CYB5D2: variants seen among roughly 807,000 people sequenced by gnomAD.
CYB5D2 encodes cytochrome b5 domain containing 2, also known as neuferricin.
Under a neutral mutation model 22.8 loss-of-function variants are expected in CYB5D2, and 23 were observed. The ratio of observed to expected loss-of-function variants is 1.01; its 90% CI spans 0.73 to 1.43. CYB5D2 has a LOEUF of 1.43. Ranked by LOEUF, CYB5D2 falls within the 40% of genes most tolerant of loss-of-function variation. The pLI is 0.00. For synonymous variants in CYB5D2, 170 were observed against 152.2 expected, an observed-to-expected ratio of 1.12 and a Z score of -0.86; for missense variants, 373 against 357.2, an observed-to-expected ratio of 1.04 and a Z score of -0.36.
intron 1 of CYB5D2, among the ~76,000 whole-genome samples, chr17:4,146,097 T>G (rs547461362): frequency 6.6e-6 from 1 of 152,092 alleles, no homozygotes; most frequent in East Asian, 1.9e-4. Context: ...ACCTTTTTAT[T>G]TATTTATTTT....
rs762512093 is a variant in CYB5D2, at chr17:4,143,733, G to A, written c.-23G>A. ...AGATAGAGGCGGCAACCTCGGAAGT[G>A]CGGAGCGGGTGGGCCTATATAGATG... On this transcript the variant is annotated 5_prime_UTR_variant, in exon 1 of 4. Coordinates refer to ENST00000301391, the MANE Select transcript of CYB5D2 (RefSeq NM_144611.4). The A allele has an allele frequency of 3.8e-6, 6 of 1,589,848 alleles. No homozygotes were observed. In the East Asian group the frequency reaches 9.0e-5, roughly 24 times the overall value.
At chr17:4,149,757 C>G (rs914455235) in intron 1 of CYB5D2, 134 bp from the exon 2 acceptor site, 1 of 1,053,434 alleles carries the variant, frequency 9.5e-7, no homozygotes, top group Non-Finnish European at 1.3e-6. Context: ...TGAAATCATG[C>G]CACTGCACTC....
chr17:4,144,746 TCA>T (rs979813175), intron 1 of CYB5D2, among the ~76,000 whole-genome samples: 6 of 152,166 alleles, frequency 3.9e-5, no homozygotes, highest in Non-Finnish European at 4.4e-5. Flanking sequence ...CCTGAAACCC[TCA>T]CACCTGAATA....
chr17:4,148,567 G>A (rs948254702), intron 1 of CYB5D2, among the ~76,000 whole-genome samples: 12 of 151,256 alleles, frequency 7.9e-5, no homozygotes, highest in Admixed American at 2.0e-4. Context: ...GGCTGGATGC[G>A]GTGGCTCACA....
chr17:4,148,743 G>C (rs1215719991), intron 1 of CYB5D2, among the ~76,000 whole-genome samples: 1 of 152,180 alleles, frequency 6.6e-6, no homozygotes, highest in African/African-American at 2.4e-5. Context: ...CAAATCGCTT[G>C]AACCCGTGAG....
chr17:4,147,801 C>T (rs868653217), intron 1 of CYB5D2, among the ~76,000 whole-genome samples: 38 of 152,202 alleles, frequency 2.5e-4, no homozygotes, highest in African/African-American at 7.2e-4. Context: ...TGCGGTGAGC[C>T]GAGATTGTGC....
chr17:4,156,805 C>G, intron 3 of CYB5D2, 61 bp from the exon 4 acceptor site: 2 of 1,567,440 alleles, frequency 1.3e-6, no homozygotes, highest in South Asian at 1.1e-5. Context: ...TTCCTGCTCT[C>G]CCCTTCCCAG....
At chr17:4,144,370 C>T (rs140454744) in intron 1 of CYB5D2, among the ~76,000 whole-genome samples, 2 of 152,262 alleles carry the variant, frequency 1.3e-5, no homozygotes, top group African/African-American at 2.4e-5. Context: ...CCTACCCTCA[C>T]AGTTTCCTTA....
At chr17:4,152,562 G>C (rs930792275) in intron 2 of CYB5D2, among the ~76,000 whole-genome samples, 2 of 152,114 alleles carry the variant, frequency 1.3e-5, no homozygotes, top group Admixed American at 6.5e-5. Flanking sequence ...CTCTTCCTCT[G>C]TTGCCTCTGC....
At chr17:4,153,811 G>C (rs1479555128) in intron 2 of CYB5D2, among the ~76,000 whole-genome samples, 1 of 152,228 alleles carries the variant, frequency 6.6e-6, no homozygotes, top group Non-Finnish European at 1.5e-5. Context: ...CCTAATGCAG[G>C]TCACAGGCTA....
chr17:4,154,928 A>G (rs2059098510), intron 3 of CYB5D2, 68 bp downstream of exon 3: 1 of 1,472,154 alleles, frequency 6.8e-7, no homozygotes, highest in Non-Finnish European at 9.1e-7. Context: ...TCCTGCCTGC[A>G]GTATTCAGTG....
chr17:4,157,003 G>T lies in CYB5D2; in HGVS notation c.716G>T (p.Arg239Leu). 1 of 1,612,848 alleles carries T rather than the reference G, an allele frequency of 6.2e-7. No homozygotes were observed. Reference protein sequence around the residue: ...QMPDNPPHRNRGDLDHPNLAE... With the variant: ...QMPDNPPHRNLGDLDHPNLAE... ...CCGGACAACCCTCCACACAGAAATCGTGGGGACCTGGACCACCCAAACTTG... is the reference window on the plus strand; with the variant it reads ...CCGGACAACCCTCCACACAGAAATCTTGGGGACCTGGACCACCCAAACTTG... The change falls in exon 4 of 4, where the codon CGT becomes CTT. Residue 239 changes from arginine (R) to leucine (L), a missense_variant. Transcript: ENST00000301391. The surrounding 1 kb of genome is among the most constrained non-coding windows in gnomAD (Gnocchi z 4.4).
In CYB5D2 at chr17:4,150,135, C is replaced by T. The variant is rs1030375025; in HGVS notation, c.391+104C>T. 8 of 1,418,810 alleles carry T rather than the reference C, an allele frequency of 5.6e-6. No individual in the cohort carries two copies. The African/African-American group carries it at 8.6e-5, about 15-fold the overall frequency. 87.9% of individuals were successfully genotyped at this position (1,418,810 alleles called of 1,614,324 possible). On this transcript the variant is annotated intron_variant, in intron 2 of 3. Coordinates refer to ENST00000301391, the MANE Select transcript of CYB5D2 (RefSeq NM_144611.4). ...TTCAAGCTTAAAATCTGAAAAACAG[C>T]CATGGATTTGTTTTACTTTAAATTC...
intron 3 of CYB5D2, among the ~76,000 whole-genome samples, chr17:4,155,397 C>T (rs921039968): frequency 2.0e-5 from 3 of 152,038 alleles, no homozygotes; most frequent in African/African-American, 4.8e-5. Flanking sequence ...GCAGGCAGGT[C>T]GCTTGAGCTC....
intron 1 of CYB5D2, among the ~76,000 whole-genome samples, chr17:4,146,715 C>A (rs1473835251): frequency 6.7e-6 from 1 of 150,256 alleles, no homozygotes; most frequent in East Asian, 2.0e-4. Flanking sequence ...TTTAGTATAG[C>A]CAGAAATTTG....
intron 1 of CYB5D2, among the ~76,000 whole-genome samples, chr17:4,149,291 C>T (rs2059027455): frequency 6.6e-6 from 1 of 152,086 alleles, no homozygotes; most frequent in Non-Finnish European, 1.5e-5. Context: ...GTAATTGACC[C>T]CTAAGGCTGG....
chr17:4,155,104 A>G (rs2059100276), intron 3 of CYB5D2, among the ~76,000 whole-genome samples: 2 of 152,214 alleles, frequency 1.3e-5, no homozygotes, highest in South Asian at 4.1e-4. Context: ...AGGCCTGGGC[A>G]TCTTTTTATT....
chr17:4,153,174 G>A (rs966208928), intron 2 of CYB5D2, among the ~76,000 whole-genome samples: 2 of 152,222 alleles, frequency 1.3e-5, no homozygotes, highest in African/African-American at 4.8e-5. Flanking sequence ...GCATCAAACT[G>A]TGATGTAATA....
chr17:4,148,294 G>A (rs1332765317), intron 1 of CYB5D2, among the ~76,000 whole-genome samples: 4 of 152,084 alleles, frequency 2.6e-5, no homozygotes, highest in Admixed American at 6.6e-5. Context: ...GGGCGGGAAC[G>A]TTACCTCAGG....
Sources: gnomAD v4.1 joint callset for allele counts (sites outside exome capture counted in the v4.1 genomes callset) on GRCh38, gnomAD v4.1.1 for gene constraint, Gnocchi (gnomAD v3.1) non-coding constraint, MANE v1.5 for transcripts, NCBI Gene and HGNC (gene_info 2026-07-23, HGNC 2026-07-21) for gene names.